The following NFASC variants were observed in gnomAD, a reference collection of about 807,000 sequenced individuals.
NFASC encodes the protein neurofascin homolog.
In NFASC, 43 loss-of-function variants were observed where a neutral mutation model predicts 147.5. The ratio of observed to expected loss-of-function variants is 0.29; its 90% CI spans 0.23 to 0.38. NFASC has a LOEUF of 0.38. Among genes scored for constraint, NFASC ranks in the 10% least tolerant of loss-of-function variants. The pLI is 1.00. For missense variants in NFASC, 1,320 were observed against 1,689.0 expected, an observed-to-expected ratio of 0.78 and a Z score of 3.83; for synonymous variants, 622 against 665.5, an observed-to-expected ratio of 0.93 and a Z score of 1.01.
At chr1:204,870,479 G>GTCT in intron 1 of NFASC, 1 of 172,212 alleles carries the variant, frequency 5.8e-6, no homozygotes, top group Non-Finnish European at 1.2e-5. Context: ...GACCACCCCC[G>GTCT]CCACACTGTG....
chr1:204,957,606 G>A, intron 7 of NFASC, 50 bp from the exon 8 acceptor site: 1 of 1,579,490 alleles, frequency 6.3e-7, no homozygotes, highest in Non-Finnish European at 8.7e-7. Context: ...CGGTGGTGAT[G>A]ATTACTGTTA....
chr1:204,949,666 G>T (rs1467971887), intron 3 of NFASC, among the ~76,000 whole-genome samples: 1 of 152,158 alleles, frequency 6.6e-6, no homozygotes, highest in Admixed American at 6.5e-5. Context: ...GCATGGCATT[G>T]CCCCAGCACT....
At chr1:204,988,127 T>A (rs1412371118) in intron 22 of NFASC, among the ~76,000 whole-genome samples, 1 of 152,210 alleles carries the variant, frequency 6.6e-6, no homozygotes, top group Non-Finnish European at 1.5e-5. Flanking sequence ...GTTAGGAAAC[T>A]CAAAGAGCCA....
At chr1:204,956,197 A>G (rs1353707274) in intron 7 of NFASC, among the ~76,000 whole-genome samples, 3 of 152,220 alleles carry the variant, frequency 2.0e-5, no homozygotes, top group African/African-American at 7.2e-5. Flanking sequence ...AGAATTATCC[A>G]TAACAGGCCT....
At chr1:204,926,402 ATATATTTTTTTTTTTTTTTT>A (rs1466319170) in intron 2 of NFASC, among the ~76,000 whole-genome samples, 21 of 10,730 alleles carry the variant, frequency 2.0e-3, no homozygotes, top group Non-Finnish European at 4.5e-3. Flanking sequence ...ATATATATAT[ATATATTTTTTTTTTTTTTTT>A]TTTTTTTTTT....
At chr1:204,990,963 A>G (rs1025580387) in intron 23 of NFASC, among the ~76,000 whole-genome samples, 2 of 152,214 alleles carry the variant, frequency 1.3e-5, no homozygotes, top group Non-Finnish European at 2.9e-5. Context: ...TGGGAACATA[A>G]TGCTCTGAGT....
chr1:204,982,098 C>A, intron 21 of NFASC, 78 bp downstream of exon 21: 1 of 990,510 alleles, frequency 1.0e-6, no homozygotes, highest in Non-Finnish European at 1.4e-6. Context: ...AGGCCAGGAA[C>A]CTTGGGGTGG....
intron 11 of NFASC, 148 bp from the exon 12 acceptor site, chr1:204,973,128 G>A: frequency 1.3e-6 from 1 of 771,004 alleles, no homozygotes; most frequent in East Asian, 2.5e-5. Context: ...GCCCAGCAGT[G>A]GCAAGGCCAG....
chr1:204,891,511 G>A (rs531956027), intron 1 of NFASC, among the ~76,000 whole-genome samples: 2 of 152,318 alleles, frequency 1.3e-5, no homozygotes, highest in Admixed American at 6.5e-5. Flanking sequence ...AGCAAGAGGT[G>A]CAGGAAGCTA....
Position 205,016,240 on chromosome 1 carries a change from CAT to C in NFASC, c.3492-67_3492-66del. 9.5e-7 allele frequency: 1 copy of C among 1,050,500 alleles called. No individual in the cohort carries two copies. Among genetic ancestry groups the C allele is most frequent in the Non-Finnish European group, 1.5e-6 (1 of 673,302 alleles). 65.1% of individuals were successfully genotyped at this position (1,050,500 alleles called of 1,614,324 possible). A position where few individuals can be genotyped will look rare whatever the true frequency, so the allele number is the denominator to read the frequency against. On this transcript the variant is annotated intron_variant, in intron 29 of 29. Transcript: ENST00000339876. This position sits in a 1 kb window ranked among gnomAD's most constrained non-coding sequence, Gnocchi z 5.1. ...CCCATCCTCTCTGAGCTGTGTAGGG[CAT>C]GTGCTGGCAGGAGGCCAGCTGCCCC...
At chr1:204,870,979 A>G (rs2077582180) in intron 1 of NFASC, 3 of 1,287,894 alleles carry the variant, frequency 2.3e-6, no homozygotes, top group African/African-American at 1.5e-5. Context: ...CCTGGGGCCT[A>G]AGAAATGCCT....
intron 16 of NFASC, chr1:204,977,186 C>A (rs1393851703): frequency 4.3e-6 from 4 of 940,480 alleles, no homozygotes; most frequent in African/African-American, 1.7e-5. Flanking sequence ...CCTCTGCCAG[C>A]CTTCCTTTCC....
intron 1 of NFASC, among the ~76,000 whole-genome samples, chr1:204,864,437 C>T (rs2076956141): frequency 6.6e-6 from 1 of 152,200 alleles, no homozygotes; most frequent in Non-Finnish European, 1.5e-5. Flanking sequence ...TGAGAAACTA[C>T]CAGACTGTTT....
At chr1:204,866,274 G>A (rs1488486154) in intron 1 of NFASC, among the ~76,000 whole-genome samples, 1 of 152,182 alleles carries the variant, frequency 6.6e-6, no homozygotes, top group African/African-American at 2.4e-5. Context: ...GGGATTTGGA[G>A]TGTGTGCGTA....
intron 1 of NFASC, among the ~76,000 whole-genome samples, chr1:204,834,538 C>T (rs80046580): frequency 0.013 from 1,952 of 152,284 alleles, 36 homozygotes; most frequent in African/African-American, 0.045. Flanking sequence ...CTCCTCCTCA[C>T]TCCTCCCCTC....
intron 24 of NFASC, chr1:204,993,737 T>C (rs1335597304): frequency 1.9e-6 from 1 of 516,038 alleles, no homozygotes; most frequent in South Asian, 1.4e-5. Flanking sequence ...GTAGCTCCTA[T>C]TGCGGCAGGA....
At chr1:204,890,022 A>G (rs929404829) in intron 1 of NFASC, among the ~76,000 whole-genome samples, 6 of 152,136 alleles carry the variant, frequency 3.9e-5, no homozygotes, top group Non-Finnish European at 7.3e-5. Flanking sequence ...AAAGTCATCA[A>G]ATGAGACCAA....
chr1:205,009,117 CGG>C, intron 27 of NFASC: 1 of 264,710 alleles, frequency 3.8e-6, no homozygotes, highest in East Asian at 9.8e-5. Flanking sequence ...AACGTGGCCA[CGG>C]CCTGCACTCC....
chr1:205,016,278 A>T lies in NFASC; in HGVS notation c.3492-30A>T, dbSNP rs758531933. On this transcript the variant is annotated intron_variant, in intron 29 of 29. Coordinates refer to ENST00000339876, the MANE Select transcript of NFASC (RefSeq NM_001005388.3). The surrounding 1 kb of genome is among the most constrained non-coding windows in gnomAD (Gnocchi z 5.1). Reference sequence around the variant, plus strand: ...GAGGCCAGCTGCCCCATCTCACCCCACCTGAGATTCTCTGTCTCTCTTTGG... The same window carrying T: ...GAGGCCAGCTGCCCCATCTCACCCCTCCTGAGATTCTCTGTCTCTCTTTGG... 6.6e-7 allele frequency: 1 copy of T among 1,507,988 alleles called. No homozygotes were observed. The highest frequency in any genetic ancestry group is 2.3e-5 in the East Asian group (1 of 44,326). The allele number at this position is 1,507,988 out of a possible 1,614,324, so 93.4% of individuals were successfully genotyped here. A position where few individuals can be genotyped will look rare whatever the true frequency, so the allele number is the denominator to read the frequency against.
Sources: allele counts gnomAD v4.1 joint callset (sites outside exome capture counted in the v4.1 genomes callset), GRCh38; gene constraint gnomAD v4.1.1; non-coding constraint Gnocchi (gnomAD v3.1); transcripts MANE v1.5; gene names NCBI Gene and HGNC (gene_info 2026-07-23, HGNC 2026-07-21).